Variants in EYA1 observed in about 807,000 individuals in gnomAD.
The protein encoded by EYA1 is protein phosphatase EYA1.
A neutral mutation model predicts 82.0 loss-of-function variants in EYA1; 16 were observed. That is an observed-to-expected ratio of 0.20 (90% CI 0.13 to 0.30). EYA1 has a LOEUF of 0.30. Among genes scored for constraint, EYA1 ranks in the 10% least tolerant of loss-of-function variants. EYA1 has a pLI of 1.00. For missense variants in EYA1, 633 were observed against 730.7 expected, an observed-to-expected ratio of 0.87 and a Z score of 1.54; for synonymous variants, 261 against 264.4, an observed-to-expected ratio of 0.99 and a Z score of 0.12.
intron 3 of EYA1, among the ~76,000 whole-genome samples, chr8:71,334,481 A>G (rs559212193): frequency 3.9e-5 from 6 of 152,214 alleles, no homozygotes; most frequent in Non-Finnish European, 8.8e-5. Context: ...CTCAAAATCT[A>G]CATGATGTGA....
intron 2 of EYA1, among the ~76,000 whole-genome samples, chr8:71,380,326 G>A (rs1363874905): frequency 6.6e-6 from 1 of 152,170 alleles, no homozygotes; most frequent in Non-Finnish European, 1.5e-5. Flanking sequence ...GCAGTACTGA[G>A]GAGAATTGCC....
At chr8:71,327,846 T>C (rs1823336070) in intron 4 of EYA1, among the ~76,000 whole-genome samples, 1 of 149,120 alleles carries the variant, frequency 6.7e-6, no homozygotes, top group African/African-American at 2.5e-5. Flanking sequence ...GCGGGAATCT[T>C]TAAGTTCTTT....
intron 10 of EYA1, chr8:71,270,068 C>A: frequency 2.4e-6 from 1 of 420,740 alleles, no homozygotes; most frequent in Non-Finnish European, 4.4e-6. Context: ...AAGAGATAAT[C>A]TATGTCCTTT....
At chr8:71,247,552 A>ATC in intron 11 of EYA1, among the ~76,000 whole-genome samples, 1 of 152,274 alleles carries the variant, frequency 6.6e-6, no homozygotes, top group South Asian at 2.1e-4. Context: ...AGCATTCTGA[A>ATC]ATTGTCCCTT....
chr8:71,271,424 A>C (rs753688945), intron 10 of EYA1, among the ~76,000 whole-genome samples: 17 of 152,216 alleles, frequency 1.1e-4, no homozygotes, highest in Non-Finnish European at 1.8e-4. Flanking sequence ...GATTTTACCA[A>C]GTATTTTTAG....
At chr8:71,474,284 A>G (rs151287922) in intron 2 of EYA1, among the ~76,000 whole-genome samples, 19 of 152,278 alleles carry the variant, frequency 1.2e-4, no homozygotes, top group South Asian at 2.1e-4. Context: ...TCTGATTCCA[A>G]TGGACTTTCC....
At chr8:71,353,528 TTGAAA>T (rs1767025590) in intron 3 of EYA1, among the ~76,000 whole-genome samples, 1 of 152,192 alleles carries the variant, frequency 6.6e-6, no homozygotes, top group African/African-American at 2.4e-5. Flanking sequence ...TCATAAACAC[TTGAAA>T]TGAATGTATT....
chr8:71,288,992 A>C (rs937438478), intron 9 of EYA1, among the ~76,000 whole-genome samples: 1 of 152,232 alleles, frequency 6.6e-6, no homozygotes, highest in South Asian at 2.1e-4. Flanking sequence ...CTTTAAAACG[A>C]ATAGCTTCCC....
intron 2 of EYA1, among the ~76,000 whole-genome samples, chr8:71,473,682 C>T (rs1809415970): frequency 6.6e-6 from 1 of 152,128 alleles, no homozygotes; most frequent in Non-Finnish European, 1.5e-5. Flanking sequence ...TCAATTGACC[C>T]ATCAATCCCA....
intron 11 of EYA1, among the ~76,000 whole-genome samples, chr8:71,269,123 T>C (rs1816213747): frequency 6.6e-6 from 1 of 152,198 alleles, no homozygotes; most frequent in Admixed American, 6.5e-5. Context: ...GATACCCAAA[T>C]GTACAACATG....
At chr8:71,273,500 T>G (rs1178459983) in intron 9 of EYA1, among the ~76,000 whole-genome samples, 1 of 152,224 alleles carries the variant, frequency 6.6e-6, no homozygotes, top group African/African-American at 2.4e-5. Context: ...AGCATCTCTC[T>G]TCCATGTTTT....
At chr8:71,525,454 A>C (rs930007769) in intron 2 of EYA1, among the ~76,000 whole-genome samples, 1 of 152,150 alleles carries the variant, frequency 6.6e-6, no homozygotes, top group African/African-American at 2.4e-5. Flanking sequence ...ACCTTAGAAA[A>C]ATTTTTCAAT....
intron 2 of EYA1, among the ~76,000 whole-genome samples, chr8:71,427,530 G>A (rs923696013): frequency 6.6e-6 from 1 of 152,088 alleles, no homozygotes; most frequent in Non-Finnish European, 1.5e-5. Flanking sequence ...CTCATTGAAG[G>A]CTGCTGAATA....
chr8:71,544,994 T>A (rs530489902), intron 1 of EYA1, among the ~76,000 whole-genome samples: 1 of 152,224 alleles, frequency 6.6e-6, no homozygotes, highest in African/African-American at 2.4e-5. Context: ...ATCATCACTT[T>A]AGCTTTCTTC....
chr8:71,305,969 T>A (rs1820695429), intron 7 of EYA1, among the ~76,000 whole-genome samples: 1 of 152,220 alleles, frequency 6.6e-6, no homozygotes, highest in Non-Finnish European at 1.5e-5. Flanking sequence ...GTTGTTGTGA[T>A]GCAAAAGAAG....
At chr8:71,472,290 C>G (rs1413101965) in intron 2 of EYA1, among the ~76,000 whole-genome samples, 1 of 152,082 alleles carries the variant, frequency 6.6e-6, no homozygotes, top group Admixed American at 6.6e-5. Context: ...AAAGGAAAAG[C>G]ACATGACTAA....
chr8:71,502,476 C>A (rs931926765), intron 2 of EYA1, among the ~76,000 whole-genome samples: 1 of 151,944 alleles, frequency 6.6e-6, no homozygotes, highest in African/African-American at 2.4e-5. Context: ...TATAGGATGC[C>A]CAATGATATT....
upstream of EYA1, among the ~76,000 whole-genome samples, chr8:71,365,324 T>A (rs969275994): frequency 6.6e-6 from 1 of 152,118 alleles, no homozygotes; most frequent in Non-Finnish European, 1.5e-5. Context: ...GTGTTTACTT[T>A]GAAATAACGT....
At chr8:71,415,224 T>G (rs1830792996) in intron 2 of EYA1, among the ~76,000 whole-genome samples, 1 of 152,220 alleles carries the variant, frequency 6.6e-6, no homozygotes, top group Non-Finnish European at 1.5e-5. Flanking sequence ...CCAGAGAACT[T>G]AAAGTTCTCA....
Sources: allele counts gnomAD v4.1 joint callset (sites outside exome capture counted in the v4.1 genomes callset), GRCh38; gene constraint gnomAD v4.1.1; transcripts MANE v1.5; gene names NCBI Gene and HGNC (gene_info 2026-07-23, HGNC 2026-07-21).